SLC8A2: variants seen among roughly 807,000 people sequenced by gnomAD.
SLC8A2 encodes solute carrier family 8 member A2.
Under a neutral mutation model 70.2 loss-of-function variants are expected in SLC8A2, and 14 were observed. The observed-to-expected ratio is 0.20, with a 90% confidence interval of 0.13 to 0.31. The LOEUF is 0.31. Ranked by LOEUF, SLC8A2 falls within the 10% of genes least tolerant of loss-of-function variation. The pLI is 1.00. For missense variants in SLC8A2, 779 were observed against 1,320.1 expected (o/e 0.59, Z 6.35); for synonymous variants, 575 against 594.3 (o/e 0.97, Z 0.47).
chr19:47,461,123 G>T (rs555183616), intron 2 of SLC8A2, among the ~76,000 whole-genome samples: 1 of 152,024 alleles, frequency 6.6e-6, no homozygotes, highest in East Asian at 1.9e-4. Flanking sequence ...CCGGGAGGCG[G>T]AGGTTGCAGT....
intron 6 of SLC8A2, 110 bp downstream of exon 6, chr19:47,441,059 C>A: frequency 9.8e-7 from 1 of 1,019,718 alleles, no homozygotes. Flanking sequence ...ATCTCACCTC[C>A]AATCTGCCTC....
rs997667815 is a variant in SLC8A2 at position 47,460,533 on chromosome 19, ACCAAAAATACAAAATTAG to A, written c.676-2957_676-2940del. ...GCCAACATGGTGAAACCCCATCTCT[ACCAAAAATACAAAATTAG>A]CCAGGCATGGTGGTGTGCATCTGTA... On this transcript the variant is annotated intron_variant, in intron 2 of 9. Coordinates refer to ENST00000236877, the MANE Select transcript of SLC8A2 (RefSeq NM_015063.3). Among the ~76,000 whole-genome samples, 7 of 152,068 alleles carry A rather than the reference ACCAAAAATACAAAATTAG, an allele frequency of 4.6e-5. No individual in the cohort carries two copies. The South Asian group carries it at 6.2e-4, about 13-fold the overall frequency.
chr19:47,454,764 G>GC (rs1194320326), intron 3 of SLC8A2, among the ~76,000 whole-genome samples: 1 of 152,156 alleles, frequency 6.6e-6, no homozygotes, highest in Admixed American at 6.6e-5. Flanking sequence ...AAGCAGCCAG[G>GC]CACACAGTGG....
intron 2 of SLC8A2, among the ~76,000 whole-genome samples, chr19:47,459,698 CTTCTG>C (rs1568446806): frequency 9.6e-6 from 1 of 103,994 alleles, no homozygotes; most frequent in Non-Finnish European, 2.2e-5. Context: ...TGGGTGTGTC[CTTCTG>C]TGTGTGCGCG....
rs191649612 is a variant in SLC8A2 at position 47,444,003 on chromosome 19, C to T, written c.1764-2563G>A. Among the ~76,000 whole-genome samples the T allele has an allele frequency of 1.5e-3, 229 of 152,174 alleles. 3 individuals are homozygous for T. The highest frequency in any genetic ancestry group is 5.2e-3 in the African/African-American group (217 of 41,524). On this transcript the variant is annotated intron_variant, in intron 4 of 9. Coordinates refer to ENST00000236877, the MANE Select transcript of SLC8A2 (RefSeq NM_015063.3). Reference sequence around the variant, plus strand: ...CTTGATCTCCAGGGCTCAAGCAATCCTCCCACCTCAGCCTCCTAAGTAGCT... The same window carrying T: ...CTTGATCTCCAGGGCTCAAGCAATCTTCCCACCTCAGCCTCCTAAGTAGCT...
rs1015323340 is a variant in SLC8A2, at chr19:47,457,143, G to T, written c.1127C>A (p.Ser376Ter). ...NVLRRHAADASRRAAPAEGAG... is the reference protein window; with the variant it reads ...NVLRRHAADA ...GCCCTCGGCCGGCGCCGCCCTGCGC[G>T]AGGCGTCCGCCGCGTGTCTGCGCAG... Residue 376 changes from serine (S) to a stop codon, truncating the protein, a stop_gained, in exon 3 of 10, where the codon TCG (serine) becomes TAG (stop). Coordinates refer to ENST00000236877, the MANE Select transcript of SLC8A2 (RefSeq NM_015063.3). LOFTEE classifies it high-confidence loss of function. 6.5e-7 allele frequency: 1 copy of T among 1,542,292 alleles called. No homozygotes were observed. Among genetic ancestry groups the T allele is most frequent in the Non-Finnish European group, 8.7e-7 (1 of 1,144,060 alleles).
chr19:47,457,771 C>A (rs547143514), intron 2 of SLC8A2, among the ~76,000 whole-genome samples, 177 bp from the exon 3 acceptor site: 6 of 144,038 alleles, frequency 4.2e-5, no homozygotes, highest in African/African-American at 1.3e-4. Flanking sequence ...TCTTTCCTTT[C>A]TTTCTTTTTC....
At chr19:47,440,319 C>T (rs1458781516) in intron 6 of SLC8A2, among the ~76,000 whole-genome samples, 2 of 152,192 alleles carry the variant, frequency 1.3e-5, no homozygotes, top group African/African-American at 4.8e-5. Context: ...TGGTCCTAAC[C>T]CCGATCTCCA....
chr19:47,464,237 G>A (rs1464783714), intron 2 of SLC8A2, among the ~76,000 whole-genome samples: 7 of 152,060 alleles, frequency 4.6e-5, no homozygotes, highest in Non-Finnish European at 7.4e-5. Flanking sequence ...TCAGCCTCCC[G>A]AGTAGCTGGG....
At position 47,460,627 on chromosome 19, in the gene SLC8A2, G is replaced by C. The variant is rs544215042; in HGVS notation, c.676-3033C>G. Among the ~76,000 whole-genome samples, 25 of 152,038 alleles carry C rather than the reference G, an allele frequency of 1.6e-4. 1 individual carries two copies. Among genetic ancestry groups the C allele is most frequent in the African/African-American group, 5.8e-4 (24 of 41,484 alleles). On this transcript the variant is annotated intron_variant, in intron 2 of 9. Coordinates refer to ENST00000236877, the MANE Select transcript of SLC8A2 (RefSeq NM_015063.3). ...CAGGAGAATTGCTTGAGCCCAGGAGGGGGAGGTTGCAGTGAGCCGAGATCA... is the reference window on the plus strand; with the variant it reads ...CAGGAGAATTGCTTGAGCCCAGGAGCGGGAGGTTGCAGTGAGCCGAGATCA...
chr19:47,431,376 C>T (rs184965188), intron 9 of SLC8A2, among the ~76,000 whole-genome samples: 6 of 147,964 alleles, frequency 4.1e-5, no homozygotes, highest in African/African-American at 9.8e-5. Context: ...TTTGGCCAGG[C>T]GTGGTGGCTC....
intron 1 of SLC8A2, among the ~76,000 whole-genome samples, chr19:47,471,028 G>A (rs1337572368): frequency 1.3e-5 from 2 of 151,860 alleles, no homozygotes; most frequent in Non-Finnish European, 2.9e-5. Flanking sequence ...GTGGGAGGAG[G>A]GTGCACTGGC....
intron 2 of SLC8A2, among the ~76,000 whole-genome samples, chr19:47,458,210 TCTGA>T: frequency 6.8e-6 from 1 of 147,704 alleles, no homozygotes; most frequent in East Asian, 2.1e-4. Context: ...CCCACCTCTT[TCTGA>T]CTGTTCATCT....
chr19:47,465,897 A>G lies in SLC8A2; in HGVS notation c.507T>C (p.Ala169=). Residue 169 remains alanine, a synonymous_variant, in exon 2 of 10, where the codon GCT becomes GCC. Transcript: ENST00000236877. This position sits in a 1 kb window ranked among gnomAD's most constrained non-coding sequence, Gnocchi z 5.5. ...CGATGACCACAAACATGTTGAAGGC[A>G]GCGCTGCCCACGATGGTGCCTGGGC... The part of the protein sequence containing the change: ...ELGPGTIVGS[A]AFNMFVVIAV... The G allele has an allele frequency of 6.2e-7, 1 of 1,614,152 alleles. No homozygotes were observed. Among genetic ancestry groups the G allele is most frequent in the Non-Finnish European group, 8.5e-7 (1 of 1,180,030 alleles).
intron 2 of SLC8A2, among the ~76,000 whole-genome samples, chr19:47,459,912 C>A (rs1440796144): frequency 6.6e-6 from 1 of 152,082 alleles, no homozygotes; most frequent in East Asian, 1.9e-4. Context: ...ACCCGGACAT[C>A]CTCATCCACT....
intron 3 of SLC8A2, among the ~76,000 whole-genome samples, chr19:47,453,685 G>C (rs1967271012): frequency 6.6e-6 from 1 of 152,156 alleles, no homozygotes; most frequent in African/African-American, 2.4e-5. Context: ...TGGATTGCTT[G>C]AGCCCAGGAG....
At chr19:47,435,550 G>A (rs868211691) in intron 8 of SLC8A2, among the ~76,000 whole-genome samples, 18 of 133,300 alleles carry the variant, frequency 1.4e-4, no homozygotes, top group Middle Eastern at 3.4e-3. Flanking sequence ...TCTTTTCTTC[G>A]TTTTTTTTTT....
At chr19:47,470,348 T>TACACACAC (rs71180846) in intron 1 of SLC8A2, among the ~76,000 whole-genome samples, 6,796 of 139,328 alleles carry the variant, frequency 0.049, 168 homozygotes, top group Non-Finnish European at 0.057. Flanking sequence ...GGAGACATCA[T>TACACACAC]ACACACACAC....
chr19:47,447,662 G>T lies in SLC8A2; in HGVS notation c.1763+147C>A. 11 of 766,562 alleles carry T rather than the reference G, an allele frequency of 1.4e-5. No homozygotes were observed. Among genetic ancestry groups the T allele is most frequent in the Non-Finnish European group, 2.1e-5 (11 of 516,884 alleles). 47.5% of individuals were successfully genotyped at this position (766,562 alleles called of 1,614,324 possible). A position where few individuals can be genotyped will look rare whatever the true frequency, so the allele number is the denominator to read the frequency against. On this transcript the variant is annotated intron_variant, in intron 4 of 9. Transcript: ENST00000236877. The surrounding 1 kb of genome is among the most constrained non-coding windows in gnomAD (Gnocchi z 5.1). ...CAGGCCCCGCCCACGTTGCGGGCAC[G>T]GCCACGCAGGCCCCTCCCCTCCCGA...
Sources: gnomAD v4.1 joint callset for allele counts (sites outside exome capture counted in the v4.1 genomes callset) on GRCh38, gnomAD v4.1.1 for gene constraint, Gnocchi (gnomAD v3.1) non-coding constraint, MANE v1.5 for transcripts, NCBI Gene and HGNC (gene_info 2026-07-23, HGNC 2026-07-21) for gene names.